The following CAMTA1 variants were observed in gnomAD, a reference collection of about 807,000 sequenced individuals.
The protein encoded by CAMTA1 is calmodulin-binding transcription activator 1.
CAMTA1 carries 27 observed loss-of-function variants against 170.9 expected under a neutral mutation model. That is an observed-to-expected ratio of 0.16 (90% CI 0.12 to 0.22). The LOEUF (loss-of-function observed/expected upper bound fraction) is 0.22, where lower values mean the gene tolerates loss of function less well. Ranked by LOEUF, CAMTA1 falls within the 10% of genes least tolerant of loss-of-function variation. The pLI is 1.00. For missense variants in CAMTA1, 1,619 were observed against 2,217.2 expected, an observed-to-expected ratio of 0.73 and a Z score of 5.42; for synonymous variants, 833 against 891.5, an observed-to-expected ratio of 0.93 and a Z score of 1.17.
intron 4 of CAMTA1, among the ~76,000 whole-genome samples, chr1:7,188,843 A>G (rs1653975677): frequency 6.6e-6 from 1 of 152,196 alleles, no homozygotes; most frequent in Non-Finnish European, 1.5e-5. Flanking sequence ...GAATGGCTGG[A>G]CCATGTGGCA....
chr1:7,505,787 G>C (rs1052885224), intron 6 of CAMTA1, among the ~76,000 whole-genome samples: 3 of 152,220 alleles, frequency 2.0e-5, no homozygotes, highest in Non-Finnish European at 4.4e-5. Flanking sequence ...GGTCTTCTCA[G>C]TCTGGGACGG....
intron 4 of CAMTA1, among the ~76,000 whole-genome samples, chr1:7,187,857 A>G (rs376806840): frequency 3.2e-4 from 48 of 152,264 alleles, no homozygotes; most frequent in African/African-American, 1.2e-3. Context: ...TCCTTCTTGG[A>G]GACAGCTCTT....
intron 6 of CAMTA1, among the ~76,000 whole-genome samples, chr1:7,540,986 C>T (rs766119254): frequency 2.6e-5 from 4 of 152,224 alleles, no homozygotes; most frequent in East Asian, 1.9e-4. Context: ...GCCCTGGGCA[C>T]GTCGACCTGG....
chr1:6,827,513 T>TA (rs534599812), intron 3 of CAMTA1, among the ~76,000 whole-genome samples: 60 of 152,152 alleles, frequency 3.9e-4, no homozygotes, highest in Non-Finnish European at 8.1e-4. Flanking sequence ...TGCAGAATGT[T>TA]ATGTGGCGAT....
rs1249176066 is a variant in CAMTA1, at chr1:7,673,020, C to G, written c.2779+1983C>G. Among the ~76,000 whole-genome samples the G allele has an allele frequency of 6.6e-6, 1 of 152,154 alleles. No individual in the cohort carries two copies. Among genetic ancestry groups the G allele is most frequent in the Non-Finnish European group, 1.5e-5 (1 of 68,026 alleles). On this transcript the variant is annotated intron_variant, in intron 10 of 22. Coordinates refer to ENST00000303635, the MANE Select transcript of CAMTA1 (RefSeq NM_015215.4). The surrounding 1 kb of genome is among the most constrained non-coding windows in gnomAD (Gnocchi z 4.6). ...CAGGGCTGTGTGCAGCTGATGGGAC[C>G]CCGGCCCGGCGGGAGTGGCGGGGAG...
intron 6 of CAMTA1, among the ~76,000 whole-genome samples, chr1:7,486,797 C>T (rs999747274): frequency 3.9e-5 from 6 of 152,196 alleles, no homozygotes; most frequent in African/African-American, 1.4e-4. Context: ...CTCCCTGGAG[C>T]TCCATCTCCC....
intron 3 of CAMTA1, among the ~76,000 whole-genome samples, chr1:6,826,567 A>G (rs901519872): frequency 9.2e-5 from 14 of 152,198 alleles, no homozygotes; most frequent in Admixed American, 8.5e-4. Context: ...AACTCAGTGT[A>G]TTTCTTAGTA....
At chr1:7,487,260 C>T (rs2093631177) in intron 6 of CAMTA1, among the ~76,000 whole-genome samples, 2 of 152,106 alleles carry the variant, frequency 1.3e-5, no homozygotes. Context: ...GTTGTGGCCA[C>T]CAAGAGGGAA....
intron 18 of CAMTA1, 117 bp downstream of exon 18, chr1:7,746,208 G>A: frequency 8.0e-7 from 1 of 1,248,626 alleles, no homozygotes; most frequent in Non-Finnish European, 1.1e-6. Context: ...TGAATTTGTA[G>A]AATTTTTTTG....
At chr1:7,662,090 G>A (rs2095964064) in intron 8 of CAMTA1, among the ~76,000 whole-genome samples, 1 of 152,264 alleles carries the variant, frequency 6.6e-6, no homozygotes, top group Admixed American at 6.5e-5. Context: ...GCAGGAGGGA[G>A]CAGTGTCCAG....
In CAMTA1 at chr1:7,103,404, C is replaced by T. The variant is rs567014439; in HGVS notation, c.302+12033C>T. On this transcript the variant is annotated intron_variant, in intron 4 of 22. Transcript: ENST00000303635. Reference sequence around the variant, plus strand: ...CTACACACGTACACACAACTACACACGCACACACACAGCACACACACCTAC... The same window carrying T: ...CTACACACGTACACACAACTACACATGCACACACACAGCACACACACCTAC... Among the ~76,000 whole-genome samples the T allele has an allele frequency of 3.6e-5, 5 of 139,822 alleles. No homozygotes were observed. In the South Asian group the frequency reaches 6.9e-4, roughly 19 times the overall value. The allele number at this position is 139,822 out of a possible 152,430, so 91.7% of individuals were successfully genotyped here.
At chr1:7,412,968 A>G (rs1445491950) in intron 5 of CAMTA1, among the ~76,000 whole-genome samples, 3 of 152,114 alleles carry the variant, frequency 2.0e-5, no homozygotes, top group African/African-American at 4.8e-5. Flanking sequence ...TCAGCTTTCT[A>G]CATATGGCTA....
intron 8 of CAMTA1, among the ~76,000 whole-genome samples, chr1:7,663,030 C>G (rs1402443691): frequency 6.6e-6 from 1 of 152,190 alleles, no homozygotes; most frequent in Admixed American, 6.5e-5. Context: ...AGGGGACTTT[C>G]CTGGGTGTTG....
intron 5 of CAMTA1, among the ~76,000 whole-genome samples, chr1:7,376,396 G>A (rs549836244): frequency 5.4e-4 from 82 of 152,286 alleles, no homozygotes; most frequent in African/African-American, 1.9e-3. Context: ...GGGGGCTCGC[G>A]AGGAGACTGT....
chr1:7,211,140 A>G (rs946763895), intron 4 of CAMTA1, among the ~76,000 whole-genome samples: 1 of 152,208 alleles, frequency 6.6e-6, no homozygotes, highest in Non-Finnish European at 1.5e-5. Flanking sequence ...CTTGTGTTTA[A>G]ATTGCATTTC....
In CAMTA1 at chr1:6,971,087, A is replaced by G. The variant is rs1452562760; in HGVS notation, c.235-120217A>G. On this transcript the variant is annotated intron_variant, in intron 3 of 22. Transcript: ENST00000303635. The surrounding 1 kb of genome is among the most constrained non-coding windows in gnomAD (Gnocchi z 4.6). ...GGGGCTTGGCTTTCTGTCACCCAGC[A>G]GCCAGCTCCATTGTGGTCCTAGGAG... Among the ~76,000 whole-genome samples, 1 of 152,182 alleles carries G rather than the reference A, an allele frequency of 6.6e-6. No homozygotes were observed. Among genetic ancestry groups the G allele is most frequent in the Non-Finnish European group, 1.5e-5 (1 of 68,028 alleles).
intron 6 of CAMTA1, among the ~76,000 whole-genome samples, chr1:7,504,359 G>A (rs1323644136): frequency 6.6e-6 from 1 of 152,244 alleles, no homozygotes; most frequent in Non-Finnish European, 1.5e-5. Context: ...GTGTCCAGCT[G>A]TCCTGCCCCC....
chr1:7,523,042 T>C (rs1425918900), intron 6 of CAMTA1, among the ~76,000 whole-genome samples: 3 of 152,204 alleles, frequency 2.0e-5, no homozygotes, highest in Non-Finnish European at 4.4e-5. Flanking sequence ...AATTTTTGTA[T>C]TTTTAGTAGA....
chr1:7,249,763 T>G lies in CAMTA1; in HGVS notation c.438+137T>G. On this transcript the variant is annotated intron_variant, in intron 5 of 22. Transcript: ENST00000303635. This position sits in a 1 kb window ranked among gnomAD's most constrained non-coding sequence, Gnocchi z 4.4. ...TGTTTGCCAAGACCCTGGTTTTTGC[T>G]TTTGTTTCGTTTTTCTACCTTCTTA... is the stretch of plus-strand genomic sequence containing the variant. 9.9e-7 allele frequency: 1 copy of G among 1,015,046 alleles called. No individual in the cohort carries two copies. Among genetic ancestry groups the G allele is most frequent in the South Asian group, 1.8e-5 (1 of 54,444 alleles). 62.9% of individuals were successfully genotyped at this position (1,015,046 alleles called of 1,614,324 possible). A position where few individuals can be genotyped will look rare whatever the true frequency, so the allele number is the denominator to read the frequency against.
Sources: allele counts gnomAD v4.1 joint callset (sites outside exome capture counted in the v4.1 genomes callset), GRCh38; gene constraint gnomAD v4.1.1; non-coding constraint Gnocchi (gnomAD v3.1); transcripts MANE v1.5; gene names NCBI Gene and HGNC (gene_info 2026-07-23, HGNC 2026-07-21).